The following ATL3 variants were observed in gnomAD, a reference collection of about 807,000 sequenced individuals.
ATL3 encodes the protein atlastin GTPase 3, also known as atlastin-3.
A neutral mutation model predicts 69.5 loss-of-function variants in ATL3; 49 were observed. That is an observed-to-expected ratio of 0.71 (90% CI 0.56 to 0.89). The LOEUF is 0.89. Ranked by LOEUF, ATL3 falls within the 40% of genes least tolerant of loss-of-function variation. The pLI is 0.00. For synonymous variants in ATL3, 214 were observed against 224.1 expected (o/e 0.95, Z 0.40); for missense variants, 606 against 645.7 (o/e 0.94, Z 0.67).
At chr11:63,662,198 G>A (rs1202146794) in intron 1 of ATL3, among the ~76,000 whole-genome samples, 8 of 143,658 alleles carry the variant, frequency 5.6e-5, no homozygotes, top group African/African-American at 1.8e-4. Context: ...AGATTTCAGA[G>A]CAAGACTCTA....
At chr11:63,654,613 G>A (rs1234674072) in intron 3 of ATL3, among the ~76,000 whole-genome samples, 3 of 150,214 alleles carry the variant, frequency 2.0e-5, no homozygotes, top group African/African-American at 7.4e-5. Flanking sequence ...GGTCAGACTC[G>A]TCTTGAACTC....
At chr11:63,644,348 G>T in intron 6 of ATL3, 87 bp from the exon 7 acceptor site, 2 of 726,230 alleles carry the variant, frequency 2.8e-6, no homozygotes, top group Non-Finnish European at 4.7e-6. Context: ...CATAATGCCA[G>T]CTTCTACAAA....
chr11:63,669,668 C>G (rs933311738), intron 1 of ATL3, among the ~76,000 whole-genome samples: 1 of 152,108 alleles, frequency 6.6e-6, no homozygotes, highest in Non-Finnish European at 1.5e-5. Context: ...ATGGGCCGGG[C>G]ACGATGGCTC....
At position 63,663,943 on chromosome 11, in the gene ATL3, AT is replaced by A. The variant is rs1378610871; in HGVS notation, c.47-4692del. ...AACAGACACAACTTCCAGATCAGGC[AT>A]TTTCCCCCTGCTTGCTGGCTAGATG... On this transcript the variant is annotated intron_variant, in intron 1 of 12. Coordinates refer to ENST00000398868, the MANE Select transcript of ATL3 (RefSeq NM_015459.5). Among the ~76,000 whole-genome samples the A allele has an allele frequency of 7.9e-5, 12 of 152,222 alleles. No individual in the cohort carries two copies. In the East Asian group the frequency reaches 1.5e-3, roughly 20 times the overall value.
At chr11:63,671,667 T>G (rs1319713746), upstream of ATL3, 11 of 1,371,138 alleles carry the variant, frequency 8.0e-6, no homozygotes, top group South Asian at 1.0e-4. Context: ...CTACCGTCCT[T>G]TGGGAATTGT....
At chr11:63,637,939 A>C (rs1939575045) in intron 8 of ATL3, among the ~76,000 whole-genome samples, 1 of 152,218 alleles carries the variant, frequency 6.6e-6, no homozygotes, top group African/African-American at 2.4e-5. Context: ...AGACTACAAA[A>C]ATGGAAGAGA....
At chr11:63,637,837 T>C (rs1269401536) in intron 8 of ATL3, 3 of 152,170 alleles carry the variant, frequency 2.0e-5, no homozygotes, top group Non-Finnish European at 4.4e-5. Context: ...AAAAATACTT[T>C]ATAACCTTGC....
chr11:63,644,119 A>T, intron 7 of ATL3, 50 bp downstream of exon 7: 1 of 1,244,672 alleles, frequency 8.0e-7, no homozygotes, highest in Non-Finnish European at 1.2e-6. Flanking sequence ...CAAATGAGAA[A>T]GCTATCACTA....
chr11:63,667,332 G>A (rs1198862821), intron 1 of ATL3, among the ~76,000 whole-genome samples: 2 of 151,680 alleles, frequency 1.3e-5, no homozygotes, highest in African/African-American at 4.8e-5. Flanking sequence ...TAATTAGAAA[G>A]CATTTTTTTT....
intron 8 of ATL3, among the ~76,000 whole-genome samples, chr11:63,641,244 ATT>A (rs1036829811): frequency 2.1e-4 from 32 of 152,186 alleles, no homozygotes; most frequent in African/African-American, 7.7e-4. Context: ...CTCATACAGA[ATT>A]TGTTCCCTAT....
Position 63,635,636 on chromosome 11 carries a change from T to C in ATL3, c.979-46A>G, listed in dbSNP as rs975689206. 2.0e-5 allele frequency: 28 copies of C among 1,398,928 alleles called. No individual in the cohort carries two copies. The Admixed American group carries it at 3.7e-4, about 18-fold the overall frequency. 86.7% of individuals were successfully genotyped at this position (1,398,928 alleles called of 1,614,324 possible). On this transcript the variant is annotated intron_variant, in intron 9 of 12. Coordinates refer to ENST00000398868, the MANE Select transcript of ATL3 (RefSeq NM_015459.5). Reference sequence around the variant, plus strand: ...ACTGCTATAAAATGTTATTCAGTCATATCTTACTCATATTTAATTTTTAGA... The same window carrying C: ...ACTGCTATAAAATGTTATTCAGTCACATCTTACTCATATTTAATTTTTAGA...
upstream of ATL3, chr11:63,671,632 G>A: frequency 7.1e-7 from 1 of 1,417,798 alleles, no homozygotes; most frequent in Non-Finnish European, 9.3e-7. Flanking sequence ...GAGCCGCCGG[G>A]TACCTGTTGG....
chr11:63,659,081 T>C lies in ATL3; in HGVS notation c.218A>G (p.Lys73Arg). 1 of 1,614,132 alleles carries C rather than the reference T, an allele frequency of 6.2e-7. No individual in the cohort carries two copies. Among genetic ancestry groups the C allele is most frequent in the Non-Finnish European group, 8.5e-7 (1 of 1,180,030 alleles). Residue 73 changes from lysine (K) to arginine (R), a missense_variant, in exon 2 of 13, where the codon AAG (lysine) becomes AGG (arginine). Transcript: ENST00000398868. ...VSVAGAFRKGKSFILDFMLRY... is the reference protein window; with the variant it reads ...VSVAGAFRKGRSFILDFMLRY... ...TAGCATAAAATCCAGAATGAAGGAC[T>C]TGCCCTTTCGGAAGGCACCAGCCAC... is the stretch of plus-strand genomic sequence containing the variant.
chr11:63,641,747 G>A (rs965124791), intron 8 of ATL3, among the ~76,000 whole-genome samples: 2 of 152,142 alleles, frequency 1.3e-5, no homozygotes, highest in African/African-American at 4.8e-5. Context: ...GCAGCCACAG[G>A]AAATTAATAC....
At chr11:63,664,542 A>T (rs528878868) in intron 1 of ATL3, among the ~76,000 whole-genome samples, 68 of 151,590 alleles carry the variant, frequency 4.5e-4, no homozygotes, top group African/African-American at 1.5e-3. Flanking sequence ...TCTGTCTTTT[A>T]AAAAAAAGCG....
At chr11:63,665,942 C>T (rs928395102) in intron 1 of ATL3, among the ~76,000 whole-genome samples, 6 of 152,122 alleles carry the variant, frequency 3.9e-5, no homozygotes, top group African/African-American at 1.2e-4. Flanking sequence ...TTATTTTGAG[C>T]TGTACACACC....
intron 8 of ATL3, 134 bp downstream of exon 8, chr11:63,643,223 G>A (rs1400197879): frequency 4.1e-6 from 4 of 984,498 alleles, no homozygotes; most frequent in East Asian, 2.8e-5. Context: ...AGCAAAATCT[G>A]AACTAGACTT....
chr11:63,646,066 A>ATT lies in ATL3; in HGVS notation c.618+439_618+440dup, dbSNP rs36066005. On this transcript the variant is annotated intron_variant, in intron 6 of 12. Coordinates refer to ENST00000398868, the MANE Select transcript of ATL3 (RefSeq NM_015459.5). ...GGCATGAGCCACTGTACCTACCCCCATTTTTTTAAGAGATGTCTTGCTATG... is the reference window on the plus strand; with the variant it reads ...GGCATGAGCCACTGTACCTACCCCCATTTTTTTTTAAGAGATGTCTTGCTATG... Among the ~76,000 whole-genome samples, 883 of 152,044 alleles carry ATT rather than the reference A, an allele frequency of 5.8e-3. 4 individuals carry two copies. The highest frequency in any genetic ancestry group is 8.8e-3 in the Non-Finnish European group (598 of 68,004).
At chr11:63,660,943 G>T (rs188737247) in intron 1 of ATL3, among the ~76,000 whole-genome samples, 1 of 151,876 alleles carries the variant, frequency 6.6e-6, no homozygotes, top group Non-Finnish European at 1.5e-5. Context: ...GCCAGGCTCA[G>T]TGGCTCACAT....
Sources: gnomAD v4.1 joint callset for allele counts (sites outside exome capture counted in the v4.1 genomes callset) on GRCh38, gnomAD v4.1.1 for gene constraint, MANE v1.5 for transcripts, NCBI Gene and HGNC (gene_info 2026-07-23, HGNC 2026-07-21) for gene names.